The following CSMD3 variants were observed in gnomAD, a reference collection of about 807,000 sequenced individuals.
CSMD3 encodes CUB and Sushi multiple domains 3.
In CSMD3, 177 loss-of-function variants were observed where a neutral mutation model predicts 435.2. The observed-to-expected ratio is 0.41, with a 90% CI of 0.36 to 0.46. The LOEUF is 0.46. CSMD3 is among the 20% of genes least tolerant of loss of function. The pLI is 0.34. For synonymous variants in CSMD3, 1,656 were observed against 1,520.5 expected (o/e 1.09, Z -2.07); for missense variants, 4,265 against 4,504.6 (o/e 0.95, Z 1.52).
rs1005825397 is a variant in CSMD3 at position 112,867,623 on chromosome 8, T to G, written c.1634-8357A>C. 2.0e-5 allele frequency among the ~76,000 whole-genome samples: 3 copies of G among 152,154 alleles called. No individual in the cohort carries two copies. In the South Asian group the frequency reaches 6.2e-4, roughly 31 times the overall value. ...GCATGTTACTCTACTGGATACACTGTATACAATAAAATGCAGACAATTAGA... is the reference window on the plus strand; with the variant it reads ...GCATGTTACTCTACTGGATACACTGGATACAATAAAATGCAGACAATTAGA... On this transcript the variant is annotated intron_variant, in intron 10 of 70. Transcript: ENST00000297405.
intron 38 of CSMD3, among the ~76,000 whole-genome samples, chr8:112,372,618 G>A (rs1828512601): frequency 6.6e-6 from 1 of 152,114 alleles, no homozygotes; most frequent in Non-Finnish European, 1.5e-5. Flanking sequence ...GGGAGGCCGA[G>A]GAGGGCGGAT....
At chr8:112,258,567 C>A (rs1257695084) in intron 61 of CSMD3, among the ~76,000 whole-genome samples, 1 of 152,140 alleles carries the variant, frequency 6.6e-6, no homozygotes, top group Non-Finnish European at 1.5e-5. Context: ...CAACTCAAAA[C>A]CACAATGAGA....
At position 112,311,070 on chromosome 8, in the gene CSMD3, C is replaced by G. The variant is rs139482857; in HGVS notation, c.7793G>C (p.Arg2598Pro). The G allele has an allele frequency of 6.2e-7, 1 of 1,614,050 alleles. No homozygotes were observed. Among genetic ancestry groups the G allele is most frequent in the South Asian group, 1.1e-5 (1 of 91,086 alleles). ...LNSVVRWACD[R>P]GFRLVGKSSA... ...GCTTTTTCCAACAAGTCGGAATCCTCGATCACAGGCCCAACGGACCACACT... is the reference window on the plus strand; with the variant it reads ...GCTTTTTCCAACAAGTCGGAATCCTGGATCACAGGCCCAACGGACCACACT... Residue 2598 changes from arginine (R) to proline (P), a missense_variant, in exon 50 of 71, where the codon CGA (arginine) becomes CCA (proline). Physicochemically the swap from Arg to Pro is moderately radical, Grantham distance 103. Coordinates refer to ENST00000297405, the MANE Select transcript of CSMD3 (RefSeq NM_198123.2).
chr8:112,295,447 C>T (rs1820166744), intron 54 of CSMD3, among the ~76,000 whole-genome samples: 1 of 151,888 alleles, frequency 6.6e-6, no homozygotes, highest in Non-Finnish European at 1.5e-5. Context: ...AAATATTTTC[C>T]ACTATAAAAA....
intron 63 of CSMD3, among the ~76,000 whole-genome samples, chr8:112,250,285 T>G (rs551490449): frequency 8.6e-5 from 13 of 151,902 alleles, no homozygotes; most frequent in Non-Finnish European, 1.8e-4. Context: ...TAACCAAATA[T>G]TATAGAATTA....
At chr8:112,348,878 G>T (rs537510082) in intron 40 of CSMD3, among the ~76,000 whole-genome samples, 101 of 152,038 alleles carry the variant, frequency 6.6e-4, no homozygotes, top group Non-Finnish European at 1.2e-3. Flanking sequence ...CTTTTGCCCT[G>T]TCTTATGGTG....
chr8:113,396,502 T>G (rs917048267), intron 1 of CSMD3, among the ~76,000 whole-genome samples: 1 of 152,176 alleles, frequency 6.6e-6, no homozygotes, highest in Non-Finnish European at 1.5e-5. Flanking sequence ...GATGTTAACT[T>G]ACATTCCATT....
intron 3 of CSMD3, among the ~76,000 whole-genome samples, chr8:113,214,725 A>AT (rs1297147349): frequency 6.6e-6 from 1 of 151,918 alleles, no homozygotes; most frequent in Non-Finnish European, 1.5e-5. Context: ...AGAATGGATA[A>AT]TTTAATAAAG....
chr8:112,556,740 G>T, intron 25 of CSMD3, 23 bp downstream of exon 25: 1 of 1,571,268 alleles, frequency 6.4e-7, no homozygotes, highest in Non-Finnish European at 8.8e-7. Flanking sequence ...AATATTCAAT[G>T]AAAATCTATG....
chr8:113,153,468 A>C (rs1156873315), intron 4 of CSMD3, among the ~76,000 whole-genome samples: 1 of 152,102 alleles, frequency 6.6e-6, no homozygotes, highest in Non-Finnish European at 1.5e-5. Flanking sequence ...CAGTGGGACT[A>C]TGATAAATGT....
chr8:112,887,054 A>T (rs2130279821), intron 10 of CSMD3, among the ~76,000 whole-genome samples: 1 of 151,702 alleles, frequency 6.6e-6, no homozygotes, highest in Middle Eastern at 3.4e-3. Flanking sequence ...GAGTCACTGA[A>T]TCTCTCTGTA....
chr8:112,468,271 C>T (rs1007070668), intron 32 of CSMD3, among the ~76,000 whole-genome samples: 1 of 142,662 alleles, frequency 7.0e-6, no homozygotes, highest in African/African-American at 2.6e-5. Context: ...ATTGATCCAC[C>T]TCATATCTTC....
chr8:112,861,310 T>G (rs1017092261), intron 10 of CSMD3, among the ~76,000 whole-genome samples: 3 of 151,860 alleles, frequency 2.0e-5, no homozygotes, highest in African/African-American at 7.2e-5. Context: ...CATGAAAGCT[T>G]GGTATCTATT....
chr8:113,264,061 G>A (rs1034216884), intron 3 of CSMD3, among the ~76,000 whole-genome samples: 2 of 151,112 alleles, frequency 1.3e-5, no homozygotes, highest in African/African-American at 2.4e-5. Context: ...TCTTAATAAG[G>A]AAGAATTCAT....
At chr8:112,852,352 A>G (rs1009264384) in intron 11 of CSMD3, among the ~76,000 whole-genome samples, 1 of 152,150 alleles carries the variant, frequency 6.6e-6, no homozygotes, top group African/African-American at 2.4e-5. Context: ...TTCCTGCAAA[A>G]GTCAACATTT....
At chr8:112,738,374 C>A (rs1412549110) in intron 13 of CSMD3, among the ~76,000 whole-genome samples, 2 of 151,430 alleles carry the variant, frequency 1.3e-5, no homozygotes, top group Non-Finnish European at 3.0e-5. Flanking sequence ...ATTCACATAA[C>A]AAAACAAAAT....
chr8:112,892,034 G>A (rs2081807723), intron 10 of CSMD3, among the ~76,000 whole-genome samples: 1 of 151,442 alleles, frequency 6.6e-6, no homozygotes, highest in Non-Finnish European at 1.5e-5. Flanking sequence ...TATTAAATAT[G>A]AATGAATACT....
intron 1 of CSMD3, among the ~76,000 whole-genome samples, chr8:113,350,037 C>T: frequency 6.6e-6 from 1 of 151,960 alleles, no homozygotes; most frequent in East Asian, 1.9e-4. Flanking sequence ...AGAAGTCTAA[C>T]TACTTGGTAC....
intron 13 of CSMD3, among the ~76,000 whole-genome samples, chr8:112,722,608 AAG>A (rs923974481): frequency 6.6e-6 from 1 of 152,068 alleles, no homozygotes; most frequent in African/African-American, 2.4e-5. Context: ...AGGAGGGAGA[AAG>A]AGTGAAACAC....
Sources: gnomAD v4.1 joint callset for allele counts (sites outside exome capture counted in the v4.1 genomes callset) on GRCh38, gnomAD v4.1.1 for gene constraint, MANE v1.5 for transcripts, NCBI Gene and HGNC (gene_info 2026-07-23, HGNC 2026-07-21) for gene names.